The following TPRKB variants were observed in gnomAD, a reference collection of about 807,000 sequenced individuals.
The protein encoded by TPRKB is EKC/KEOPS complex subunit TPRKB.
TPRKB carries 11 observed loss-of-function variants against 17.8 expected under a neutral mutation model. That is an observed-to-expected ratio of 0.62 (90% CI 0.39 to 1.02). The LOEUF (loss-of-function observed/expected upper bound fraction) is 1.02, where lower values mean the gene tolerates loss of function less well. Ranked by LOEUF, TPRKB falls within the 50% of genes least tolerant of loss-of-function variation. The pLI, the probability that TPRKB is intolerant of heterozygous loss-of-function variation, is 0.00. For synonymous variants in TPRKB, 71 were observed against 69.5 expected, an observed-to-expected ratio of 1.02 and a Z score of -0.11; for missense variants, 228 against 198.0, an observed-to-expected ratio of 1.15 and a Z score of -0.91.
intron 1 of TPRKB, among the ~76,000 whole-genome samples, chr2:73,736,628 A>ACTT (rs1408615701): frequency 6.6e-6 from 1 of 152,196 alleles, no homozygotes; most frequent in African/African-American, 2.4e-5. Flanking sequence ...TGCTAAATAT[A>ACTT]CTTTTGATTC....
At position 73,729,999 on chromosome 2, in the gene TPRKB, T is replaced by G; in HGVS notation, c.472A>C (p.Ile158Leu). ...IYKLSSQEES[I>L]GTLLDAIICR... ...ATGATAGCATCCAATAATGTCCCAA[T>G]ACTTTCTTCTTGTGAAGAGAGTTTA... is the stretch of plus-strand genomic sequence containing the variant. Residue 158 changes from isoleucine to leucine, a missense_variant, in exon 5 of 5, where the codon ATT (isoleucine) becomes CTT (leucine). Ile to Leu is a conservative substitution (Grantham distance 5). Coordinates refer to ENST00000272424, the MANE Select transcript of TPRKB (RefSeq NM_016058.5). The G allele has an allele frequency of 6.3e-7, 1 of 1,575,048 alleles. No individual in the cohort carries two copies. The highest frequency in any genetic ancestry group is 8.6e-7 in the Non-Finnish European group (1 of 1,158,578).
At position 73,734,504 on chromosome 2, in the gene TPRKB, A is replaced by C; in HGVS notation, c.66T>G (p.Asp22Glu). Residue 22 changes from aspartate to glutamate, a missense_variant, in exon 2 of 5, where the codon GAT (aspartate) becomes GAG (glutamate). By Grantham distance (45) the Asp-to-Glu change is conservative. Transcript: ENST00000272424. Reference protein sequence around the residue: ...ECRVTLLLFKDVKNAGDLRRK... With the variant: ...ECRVTLLLFKEVKNAGDLRRK... ...TTCTCAAGTCTCCCGCATTTTTTACATCTTTAAATAACAGAAGGGTTACCC... is the reference window on the plus strand; with the variant it reads ...TTCTCAAGTCTCCCGCATTTTTTACCTCTTTAAATAACAGAAGGGTTACCC... 6.2e-7 allele frequency: 1 copy of C among 1,614,042 alleles called. No homozygotes were observed. The highest frequency in any genetic ancestry group is 8.5e-7 in the Non-Finnish European group (1 of 1,179,970).
At chr2:73,734,141 C>T (rs938495338) in intron 2 of TPRKB, among the ~76,000 whole-genome samples, 1 of 151,214 alleles carries the variant, frequency 6.6e-6, no homozygotes, top group African/African-American at 2.4e-5. Context: ...GCTCGTCGCC[C>T]AGGCTGGAGT....
chr2:73,734,649 T>C, intron 1 of TPRKB, 58 bp from the exon 2 acceptor site: 2 of 1,400,558 alleles, frequency 1.4e-6, no homozygotes, highest in South Asian at 1.4e-5. Flanking sequence ...TCAGAACTCA[T>C]TTCTTAATAA....
intron 1 of TPRKB, among the ~76,000 whole-genome samples, chr2:73,736,012 A>T (rs184508319): frequency 6.6e-6 from 1 of 152,200 alleles, no homozygotes; most frequent in Non-Finnish European, 1.5e-5. Context: ...GTAAGTAAAA[A>T]CATCTGAATG....
rs576437079 is a variant in TPRKB at position 73,736,812 on chromosome 2, A to G, written c.-23+490T>C. ...CTGCTGCTCTTATGATAAAGCCCCAACTTTGTGTCACGGTGTTCCACACTC... is the reference window on the plus strand; with the variant it reads ...CTGCTGCTCTTATGATAAAGCCCCAGCTTTGTGTCACGGTGTTCCACACTC... On this transcript the variant is annotated intron_variant, in intron 1 of 4. Transcript: ENST00000272424. Among the ~76,000 whole-genome samples, 205 of 151,830 alleles carry G rather than the reference A, an allele frequency of 1.4e-3. 2 individuals are homozygous for G. The highest frequency in any genetic ancestry group is 4.7e-3 in the African/African-American group (196 of 41,400).
intron 2 of TPRKB, 42 bp downstream of exon 2, chr2:73,734,386 AC>A: frequency 6.3e-7 from 1 of 1,585,152 alleles, no homozygotes. Flanking sequence ...GGCGTGAGCC[AC>A]CGCACCCAGC....
chr2:73,735,312 A>C (rs560381389), intron 1 of TPRKB, among the ~76,000 whole-genome samples: 2 of 148,528 alleles, frequency 1.3e-5, no homozygotes, highest in South Asian at 4.4e-4. Flanking sequence ...AGCCTGGGCA[A>C]CAAGAGTGAA....
rs576798034 is a variant in TPRKB at position 73,735,281 on chromosome 2, G to A, written c.-22-690C>T. 1.2e-4 allele frequency among the ~76,000 whole-genome samples: 18 copies of A among 151,780 alleles called. No individual in the cohort carries two copies. The East Asian group carries it at 3.5e-3, about 29-fold the overall frequency. ...TGGGAGGCAGAGGTTGCAGTGAGCC[G>A]AGATCATACCATTGCACCCCAGCCT... On this transcript the variant is annotated intron_variant, in intron 1 of 4. Transcript: ENST00000272424.
intron 2 of TPRKB, 92 bp downstream of exon 2, chr2:73,734,337 G>T: frequency 7.5e-7 from 1 of 1,325,426 alleles, no homozygotes. Flanking sequence ...GACCTCAGAT[G>T]ATCCACCCGC....
chr2:73,735,620 G>A lies in TPRKB; in HGVS notation c.-22-1029C>T, dbSNP rs532108357. ...TTGGACATAAGCTTAACAAGAAAAG[G>A]ATAGGTTATTATATATAAAGACATA... On this transcript the variant is annotated intron_variant, in intron 1 of 4. Transcript: ENST00000272424. Among the ~76,000 whole-genome samples the A allele has an allele frequency of 4.6e-5, 7 of 152,246 alleles. No individual in the cohort carries two copies. The South Asian group carries it at 1.5e-3, about 32-fold the overall frequency.
At chr2:73,736,602 G>C (rs1671893735) in intron 1 of TPRKB, among the ~76,000 whole-genome samples, 1 of 152,128 alleles carries the variant, frequency 6.6e-6, no homozygotes, top group South Asian at 2.1e-4. Context: ...AATCCGTAAA[G>C]TCCTGAATTT....
chr2:73,729,921 T>A lies in TPRKB; in HGVS notation c.*22A>T. Reference sequence around the variant, plus strand: ...CAATGTTTTCTTTAATGCTGAGAATTTTTGTTAATATTTCTGACATTTCAT... The same window carrying A: ...CAATGTTTTCTTTAATGCTGAGAATATTTGTTAATATTTCTGACATTTCAT... On this transcript the variant is annotated 3_prime_UTR_variant, in exon 5 of 5. Transcript: ENST00000272424. The A allele has an allele frequency of 1.3e-6, 2 of 1,524,236 alleles. No individual in the cohort carries two copies. Among genetic ancestry groups the A allele is most frequent in the Non-Finnish European group, 1.8e-6 (2 of 1,127,020 alleles). 94.4% of individuals were successfully genotyped at this position (1,524,236 alleles called of 1,614,324 possible). A position where few individuals can be genotyped will look rare whatever the true frequency, so the allele number is the denominator to read the frequency against.
intron 3 of TPRKB, chr2:73,731,833 C>T (rs1194263380): frequency 5.1e-6 from 1 of 194,878 alleles, no homozygotes; most frequent in Non-Finnish European, 1.1e-5. Context: ...GATATGCAGG[C>T]TAGCACACAA....
At chr2:73,735,407 A>T (rs530268970) in intron 1 of TPRKB, among the ~76,000 whole-genome samples, 48 of 152,210 alleles carry the variant, frequency 3.2e-4, no homozygotes, top group Non-Finnish European at 6.0e-4. Context: ...TAATGGGTGC[A>T]GCATACAAAC....
At chr2:73,736,054 G>A (rs1204151317) in intron 1 of TPRKB, among the ~76,000 whole-genome samples, 5 of 152,086 alleles carry the variant, frequency 3.3e-5, no homozygotes, top group Admixed American at 1.3e-4. Context: ...CAAAATGTGG[G>A]TTTTTTAAAA....
intron 1 of TPRKB, among the ~76,000 whole-genome samples, 181 bp from the exon 2 acceptor site, chr2:73,734,772 T>C (rs560038003): frequency 6.6e-6 from 1 of 152,248 alleles, no homozygotes; most frequent in Non-Finnish European, 1.5e-5. Context: ...TTCTGAGTTG[T>C]TCTGTTGTCA....
At position 73,730,602 on chromosome 2, in the gene TPRKB, CAG is replaced by C. The variant is rs772643343; in HGVS notation, c.397_398del (p.Leu133GlufsTer5). ...TATTCATTATTTCAGGAAGATTTTT[CAG>C]AGAAACCTGATGACCTTCTACTTGA... is the stretch of plus-strand genomic sequence containing the variant. Reference protein sequence around the residue: ...ISQVEGHQVSLKNLPEIMNIT... With the variant: ...ISQVEGHQVSXKNLPEIMNIT... On this transcript the variant is annotated frameshift_variant, in exon 4 of 5. Coordinates refer to ENST00000272424, the MANE Select transcript of TPRKB (RefSeq NM_016058.5). LOFTEE classifies it high-confidence loss of function. The C allele has an allele frequency of 6.3e-7, 1 of 1,590,370 alleles. No individual in the cohort carries two copies.
At chr2:73,732,334 G>A in intron 2 of TPRKB, 49 bp from the exon 3 acceptor site, 3 of 1,582,674 alleles carry the variant, frequency 1.9e-6, no homozygotes, top group Non-Finnish European at 2.6e-6. Context: ...AATCTGCAGT[G>A]CCTGAAAACA....
Sources: gnomAD v4.1 joint callset for allele counts (sites outside exome capture counted in the v4.1 genomes callset) on GRCh38, gnomAD v4.1.1 for gene constraint, MANE v1.5 for transcripts, NCBI Gene and HGNC (gene_info 2026-07-23, HGNC 2026-07-21) for gene names.